WWOX: variants seen among roughly 807,000 people sequenced by gnomAD.
The protein encoded by WWOX is WW domain containing oxidoreductase, also known as WW domain-containing oxidoreductase.
A neutral mutation model predicts 46.2 loss-of-function variants in WWOX; 69 were observed. The ratio of observed to expected loss-of-function variants is 1.49; its 90% CI spans 1.23 to 1.82. The LOEUF is 1.82. Ranked by LOEUF, WWOX falls within the 40% of genes most tolerant of loss-of-function variation. The pLI is 0.00. For missense variants in WWOX, 919 were observed against 542.6 expected, an observed-to-expected ratio of 1.69 and a Z score of -6.89; for synonymous variants, 359 against 202.6, an observed-to-expected ratio of 1.77 and a Z score of -6.56.
At chr16:79,101,626 T>C (rs1461814539) in intron 8 of WWOX, 2 of 151,550 alleles carry the variant, frequency 1.3e-5, no homozygotes, top group East Asian at 3.9e-4. Flanking sequence ...TCCTCTGAAA[T>C]ACATGTCCAC....
intron 8 of WWOX, among the ~76,000 whole-genome samples, chr16:78,597,243 T>G (rs2045513047): frequency 6.6e-6 from 1 of 152,200 alleles, no homozygotes; most frequent in Admixed American, 6.5e-5. Context: ...CTGTTTCCAT[T>G]GCTTTTTCAT....
rs1004258618 is a variant in WWOX at position 78,993,875 on chromosome 16, G to T, written c.1057-217733G>T. ...CGGAGCCCGCTGGTCGGTCACTCCT[G>T]TTCCTTTCGTGTCCGTTGGGTGCAG... On this transcript the variant is annotated intron_variant, in intron 8 of 8. Transcript: ENST00000566780. Among the ~76,000 whole-genome samples, 26 of 152,210 alleles carry T rather than the reference G, an allele frequency of 1.7e-4. 1 individual carries two copies. Among genetic ancestry groups the T allele is most frequent in the Non-Finnish European group, 7.3e-5 (5 of 68,044 alleles).
At chr16:78,890,172 C>T (rs899149980) in intron 8 of WWOX, 2 of 152,168 alleles carry the variant, frequency 1.3e-5, no homozygotes, top group African/African-American at 4.8e-5. Context: ...AGCACATATA[C>T]ACACTGACAC....
intron 8 of WWOX, among the ~76,000 whole-genome samples, chr16:79,156,748 C>G (rs1376625122): frequency 1.3e-5 from 2 of 151,660 alleles, no homozygotes; most frequent in Admixed American, 6.6e-5. Flanking sequence ...TGTTCAAAGT[C>G]TTAAGAATAT....
intron 4 of WWOX, among the ~76,000 whole-genome samples, chr16:78,154,883 T>A (rs558107268): frequency 6.6e-6 from 1 of 152,298 alleles, no homozygotes; most frequent in Admixed American, 6.5e-5. Context: ...GAGTCATGTC[T>A]GTAGCAAGGA....
At chr16:78,463,954 G>C (rs986244929) in intron 8 of WWOX, among the ~76,000 whole-genome samples, 1 of 152,184 alleles carries the variant, frequency 6.6e-6, no homozygotes, top group Non-Finnish European at 1.5e-5. Flanking sequence ...TTTCCATTAA[G>C]TGAGTCTTTC....
At chr16:78,291,708 T>C (rs151329724) in intron 5 of WWOX, among the ~76,000 whole-genome samples, 174 of 152,050 alleles carry the variant, frequency 1.1e-3, no homozygotes, top group African/African-American at 4.0e-3. Flanking sequence ...ACACAACGGC[T>C]GTAAAAAATA....
intron 8 of WWOX, among the ~76,000 whole-genome samples, chr16:78,920,391 T>A (rs1469822378): frequency 6.6e-6 from 1 of 152,184 alleles, no homozygotes; most frequent in Non-Finnish European, 1.5e-5. Context: ...TTCCTCCTTG[T>A]GACTGTTTTC....
At chr16:78,145,271 C>G (rs1348261472) in intron 4 of WWOX, among the ~76,000 whole-genome samples, 1 of 152,080 alleles carries the variant, frequency 6.6e-6, no homozygotes, top group Non-Finnish European at 1.5e-5. Flanking sequence ...GGAGTATTGA[C>G]TCCCACAATC....
intron 5 of WWOX, among the ~76,000 whole-genome samples, chr16:78,239,178 A>G (rs1006782598): frequency 6.6e-6 from 1 of 152,054 alleles, no homozygotes; most frequent in Non-Finnish European, 1.5e-5. Context: ...CCCATTCTGC[A>G]TTTCTCCCAC....
At chr16:78,238,618 T>A (rs116382112) in intron 5 of WWOX, among the ~76,000 whole-genome samples, 230 of 152,204 alleles carry the variant, frequency 1.5e-3, no homozygotes, top group African/African-American at 5.2e-3. Context: ...TGTGCTAAAT[T>A]ACTTTTTTTG....
intron 5 of WWOX, among the ~76,000 whole-genome samples, chr16:78,334,825 C>CACACACAG (rs2080845499): frequency 1.5e-5 from 2 of 130,678 alleles, no homozygotes; most frequent in Admixed American, 1.5e-4. Context: ...CACACACACA[C>CACACACAG]ACACACATAC....
chr16:78,683,238 C>T (rs1451215259), intron 8 of WWOX, among the ~76,000 whole-genome samples: 2 of 151,896 alleles, frequency 1.3e-5, no homozygotes, highest in African/African-American at 2.4e-5. Context: ...GAGGTGGGCG[C>T]GGTGGCTCAC....
At chr16:78,647,504 G>C (rs1223301692) in intron 8 of WWOX, among the ~76,000 whole-genome samples, 1 of 152,216 alleles carries the variant, frequency 6.6e-6, no homozygotes, top group Non-Finnish European at 1.5e-5. Flanking sequence ...GGGTCTGTTA[G>C]AGAAGGGAAT....
chr16:79,157,035 C>T (rs371511833), intron 8 of WWOX, among the ~76,000 whole-genome samples: 2 of 152,158 alleles, frequency 1.3e-5, no homozygotes, highest in East Asian at 3.9e-4. Flanking sequence ...GGTAAAATGG[C>T]CCTGGCCATT....
intron 8 of WWOX, among the ~76,000 whole-genome samples, chr16:78,904,773 C>T (rs767905081): frequency 2.0e-5 from 3 of 152,200 alleles, no homozygotes; most frequent in Non-Finnish European, 4.4e-5. Flanking sequence ...TTCTAAAATT[C>T]TCGGGCCTTT....
chr16:78,993,321 G>A (rs1467289051), intron 8 of WWOX, among the ~76,000 whole-genome samples: 1 of 152,106 alleles, frequency 6.6e-6, no homozygotes, highest in African/African-American at 2.4e-5. Context: ...ATTAAAAAGG[G>A]AATCTCAGAT....
At position 79,114,390 on chromosome 16, in the gene WWOX, G is replaced by A. The variant is rs116941589; in HGVS notation, c.1057-97218G>A. ...CACACGTGTGTGCACACATATCTAC[G>A]TATCTACATGTATGCACATACCTAC... On this transcript the variant is annotated intron_variant, in intron 8 of 8. Coordinates refer to ENST00000566780, the MANE Select transcript of WWOX (RefSeq NM_016373.4). Among the ~76,000 whole-genome samples the A allele has an allele frequency of 4.9e-3, 739 of 151,082 alleles. 4 individuals carry two copies. The highest frequency in any genetic ancestry group is 6.5e-3 in the Non-Finnish European group (442 of 67,858).
chr16:78,696,780 G>C (rs2048108971), intron 8 of WWOX, among the ~76,000 whole-genome samples: 1 of 151,930 alleles, frequency 6.6e-6, no homozygotes, highest in Non-Finnish European at 1.5e-5. Flanking sequence ...AGTATACACT[G>C]CATCCAGTTT....
Sources: gnomAD v4.1 joint callset for allele counts (sites outside exome capture counted in the v4.1 genomes callset) on GRCh38, gnomAD v4.1.1 for gene constraint, MANE v1.5 for transcripts, NCBI Gene and HGNC (gene_info 2026-07-23, HGNC 2026-07-21) for gene names.